The following THNSL1 variants were observed in gnomAD, a reference collection of about 807,000 sequenced individuals.
THNSL1 encodes the protein threonine synthase like 1, also known as threonine synthase-like 1.
In THNSL1, 48 loss-of-function variants were observed where a neutral mutation model predicts 50.4. The ratio of observed to expected loss-of-function variants is 0.95; its 90% CI spans 0.76 to 1.21. The LOEUF (loss-of-function observed/expected upper bound fraction) is 1.21. THNSL1 is among the 50% of genes most tolerant of loss of function. The pLI is 0.00. For synonymous variants in THNSL1, 309 were observed against 306.1 expected (o/e 1.01, Z -0.10); for missense variants, 896 against 871.7 (o/e 1.03, Z -0.35).
At chr10:25,011,642 C>G (rs1850446661), upstream of THNSL1, among the ~76,000 whole-genome samples, 1 of 152,078 alleles carries the variant, frequency 6.6e-6, no homozygotes, top group African/African-American at 2.4e-5. Context: ...AGAAGAAAAC[C>G]TAGGCATTAC....
chr10:24,976,358 A>C, the THNSL1 span, among the ~76,000 whole-genome samples: 3,666 of 152,286 alleles, frequency 0.024, 155 homozygotes, highest in African/African-American at 0.083. Flanking sequence ...AGGAAGCAGC[A>C]AACCCAATGC....
In THNSL1 at chr10:25,025,349, T is replaced by C; in HGVS notation, c.2126T>C (p.Leu709Ser). 1 of 1,614,200 alleles carries C rather than the reference T, an allele frequency of 6.2e-7. No individual in the cohort carries two copies. Among genetic ancestry groups the C allele is most frequent in the South Asian group, 1.1e-5 (1 of 91,084 alleles). ...TTACCTCCACTGCATGAGGCTTTATTAGAGAGAACAAAACAGCAAGAGAAG... is the reference window on the plus strand; with the variant it reads ...TTACCTCCACTGCATGAGGCTTTATCAGAGAGAACAAAACAGCAAGAGAAG... ...NALPPLHEAL[L>S]ERTKQQEKME... is the part of the protein sequence containing the mutation. The change falls in exon 3 of 3, where the codon TTA becomes TCA. Residue 709 changes from leucine to serine, a missense_variant. Transcript: ENST00000376356.
chr10:24,984,015 G>A, the THNSL1 span: 1 of 216,144 alleles, frequency 4.6e-6, no homozygotes, highest in Non-Finnish European at 9.0e-6. Context: ...AATAAGATAT[G>A]CATAGTGAGT....
At chr10:24,995,279 A>C in the THNSL1 span, among the ~76,000 whole-genome samples, 1 of 152,224 alleles carries the variant, frequency 6.6e-6, no homozygotes, top group African/African-American at 2.4e-5. Flanking sequence ...TAATGACTAA[A>C]TCTTAAGACC....
At position 25,023,848 on chromosome 10, in the gene THNSL1, C is replaced by G. The variant is rs777422006; in HGVS notation, c.625C>G (p.Pro209Ala). The G allele has an allele frequency of 1.2e-6, 2 of 1,614,072 alleles. No homozygotes were observed. The highest frequency in any genetic ancestry group is 1.1e-5 in the South Asian group (1 of 91,074). Residue 209 changes from proline (P) to alanine (A), a missense_variant, in exon 3 of 3, where the codon CCA (proline) becomes GCA (alanine). Transcript: ENST00000376356. ...TGTTTTCTGTGAAAGTGGGGCTTCCCCAGAGGAGGTAGCTGACAAAGTGCT... is the reference window on the plus strand; with the variant it reads ...TGTTTTCTGTGAAAGTGGGGCTTCCGCAGAGGAGGTAGCTGACAAAGTGCT... The part of the protein sequence containing the change: ...ARVFCESGAS[P>A]EEVADKVLNA...
the THNSL1 span, among the ~76,000 whole-genome samples, chr10:24,968,192 T>C: frequency 6.6e-6 from 1 of 152,136 alleles, no homozygotes; most frequent in African/African-American, 2.4e-5. Context: ...TTGATTCTAA[T>C]ATAGGGAGCA....
chr10:25,019,492 GAAAATAATGGA>G (rs1297843397), intron 1 of THNSL1, among the ~76,000 whole-genome samples: 1 of 151,986 alleles, frequency 6.6e-6, no homozygotes, highest in Non-Finnish European at 1.5e-5. Flanking sequence ...ACAAAAACAC[GAAAATAATGGA>G]ACAGTAAAAA....
At chr10:24,960,509 C>CT in the THNSL1 span, among the ~76,000 whole-genome samples, 1 of 152,204 alleles carries the variant, frequency 6.6e-6, no homozygotes, top group South Asian at 2.1e-4. Flanking sequence ...TCACTGCAAC[C>CT]TCCACCTCCT....
the THNSL1 span, among the ~76,000 whole-genome samples, chr10:24,992,093 C>T: frequency 3.3e-5 from 5 of 152,144 alleles, no homozygotes; most frequent in Admixed American, 6.5e-5. Flanking sequence ...TTAGTAAATG[C>T]GTTTGATTTC....
the THNSL1 span, among the ~76,000 whole-genome samples, chr10:24,954,626 C>T: frequency 6.6e-6 from 1 of 152,090 alleles, no homozygotes; most frequent in African/African-American, 2.4e-5. Flanking sequence ...TGAAAGACAA[C>T]AGGAATCTTA....
upstream of THNSL1, chr10:25,016,098 A>C (rs1361129359): frequency 7.6e-7 from 1 of 1,307,532 alleles, no homozygotes; most frequent in Non-Finnish European, 9.8e-7. Context: ...CCCTCTTAGC[A>C]GTCCTCTCTC....
At chr10:24,955,392 A>G in the THNSL1 span, among the ~76,000 whole-genome samples, 2 of 152,328 alleles carry the variant, frequency 1.3e-5, no homozygotes, top group African/African-American at 4.8e-5. Flanking sequence ...TTTTTCTGTA[A>G]CAATCCATGT....
the THNSL1 span, among the ~76,000 whole-genome samples, chr10:24,956,025 C>T: frequency 7.9e-5 from 12 of 151,902 alleles, no homozygotes; most frequent in Non-Finnish European, 1.6e-4. Context: ...CAGGGATAGT[C>T]TAGAGCTGGT....
chr10:24,963,900 C>T, the THNSL1 span, among the ~76,000 whole-genome samples: 1 of 152,192 alleles, frequency 6.6e-6, no homozygotes, highest in Admixed American at 6.5e-5. Context: ...ACAGCTCTGT[C>T]ATGCTGTCAT....
Position 25,025,623 on chromosome 10 carries a change from C to T in THNSL1, c.*168C>T, listed in dbSNP as rs1850835317. ...CTGACATGAGAACTCCATGTCACCTCCTCAGATCTTTAATCTGGAAGTGAC... is the reference window on the plus strand; with the variant it reads ...CTGACATGAGAACTCCATGTCACCTTCTCAGATCTTTAATCTGGAAGTGAC... On this transcript the variant is annotated 3_prime_UTR_variant, in exon 3 of 3. Transcript: ENST00000376356. 4.7e-6 allele frequency: 3 copies of T among 643,404 alleles called. No individual in the cohort carries two copies. Among genetic ancestry groups the T allele is most frequent in the East Asian group, 5.6e-5 (2 of 35,662 alleles). The allele number at this position is 643,404 out of a possible 1,614,324, so 39.9% of individuals were successfully genotyped here.
At chr10:25,008,912 A>T in the THNSL1 span, among the ~76,000 whole-genome samples, 1 of 152,252 alleles carries the variant, frequency 6.6e-6, no homozygotes, top group Non-Finnish European at 1.5e-5. Context: ...TATACCATGG[A>T]ATACTATGCA....
the THNSL1 span, among the ~76,000 whole-genome samples, chr10:25,008,111 T>C: frequency 6.6e-6 from 1 of 151,650 alleles, no homozygotes; most frequent in South Asian, 2.1e-4. Context: ...CCTAGCCAGA[T>C]GAAAAATACA....
the THNSL1 span, among the ~76,000 whole-genome samples, chr10:24,968,808 G>A: frequency 3.3e-5 from 5 of 152,224 alleles, no homozygotes; most frequent in African/African-American, 1.2e-4. Flanking sequence ...CACAGAGCTT[G>A]CTACCTTTGG....
upstream of THNSL1, among the ~76,000 whole-genome samples, chr10:25,014,392 A>G (rs1850517699): frequency 6.6e-6 from 1 of 152,126 alleles, no homozygotes; most frequent in Non-Finnish European, 1.5e-5. Flanking sequence ...CTTCATAGTA[A>G]AACCAAGAAG....
Sources: gnomAD v4.1 joint callset for allele counts (sites outside exome capture counted in the v4.1 genomes callset) on GRCh38, gnomAD v4.1.1 for gene constraint, MANE v1.5 for transcripts, NCBI Gene and HGNC (gene_info 2026-07-23, HGNC 2026-07-21) for gene names.